Variants in DNAJC15 observed in about 807,000 individuals in gnomAD.
The protein encoded by DNAJC15 is dnaJ homolog subfamily C member 15.
Under a neutral mutation model 22.4 loss-of-function variants are expected in DNAJC15, and 27 were observed. The ratio of observed to expected loss-of-function variants is 1.20; its 90% CI spans 0.89 to 1.66. DNAJC15 has a LOEUF of 1.66. Ranked by LOEUF, DNAJC15 falls within the 40% of genes most tolerant of loss-of-function variation. DNAJC15 has a pLI of 0.00. For missense variants in DNAJC15, 208 were observed against 187.1 expected (o/e 1.11, Z -0.65); for synonymous variants, 79 against 63.2 (o/e 1.25, Z -1.19).
rs1800737780 is a variant in DNAJC15, at chr13:43,065,739, TAAGATA to T, written c.160+7_160+12del. 1.2e-6 allele frequency: 2 copies of T among 1,612,992 alleles called. No individual in the cohort carries two copies. The highest frequency in any genetic ancestry group is 1.7e-6 in the Non-Finnish European group (2 of 1,179,498). On this transcript the variant is annotated splice_donor_5th_base_variant and intron_variant, in intron 2 of 5. Transcript: ENST00000379221. ...GTGTTGCAGCTCTTGCATTTGCAGG[TAAGATA>T]AAGAATACATACCAATAAATTGCAG...
rs771996026 is a variant in DNAJC15 at position 43,085,724 on chromosome 13, C to T, written c.312-44C>T. 6 of 1,517,030 alleles carry T rather than the reference C, an allele frequency of 4.0e-6. No homozygotes were observed. The South Asian group carries it at 5.9e-5, about 15-fold the overall frequency. The allele number at this position is 1,517,030 out of a possible 1,614,324, so 94.0% of individuals were successfully genotyped here. On this transcript the variant is annotated intron_variant, in intron 4 of 5. Coordinates refer to ENST00000379221, the MANE Select transcript of DNAJC15 (RefSeq NM_013238.3). Reference sequence around the variant, plus strand: ...ATATAAACCCTTAATTTATAATCTGCATTTGATGCTATTTATTATAAGCAC... The same window carrying T: ...ATATAAACCCTTAATTTATAATCTGTATTTGATGCTATTTATTATAAGCAC...
chr13:43,045,640 A>G (rs2040473825), intron 1 of DNAJC15, among the ~76,000 whole-genome samples: 1 of 152,180 alleles, frequency 6.6e-6, no homozygotes, highest in African/African-American at 2.4e-5. Flanking sequence ...ATTTTTAACT[A>G]CTAGGTTTAG....
At chr13:43,028,080 T>G (rs907438697) in intron 1 of DNAJC15, among the ~76,000 whole-genome samples, 1 of 152,208 alleles carries the variant, frequency 6.6e-6, no homozygotes, top group Non-Finnish European at 1.5e-5. Context: ...GCCTGATGTG[T>G]GGTAAACATT....
In DNAJC15 at chr13:43,039,115, G is replaced by T. The variant is rs149241298; in HGVS notation, c.108+15381G>T. 5.2e-3 allele frequency among the ~76,000 whole-genome samples: 787 copies of T among 152,260 alleles called. 4 individuals carry two copies. Among genetic ancestry groups the T allele is most frequent in the Middle Eastern group, 0.014 (4 of 294 alleles). ...AGTGACTTCAGATTGTTGCTTGAAG[G>T]CATAAGCTCTGGTCTGGAATTAGGA... On this transcript the variant is annotated intron_variant, in intron 1 of 5. Coordinates refer to ENST00000379221, the MANE Select transcript of DNAJC15 (RefSeq NM_013238.3).
At position 43,036,334 on chromosome 13, in the gene DNAJC15, C is replaced by T. The variant is rs1338783753; in HGVS notation, c.108+12600C>T. 2.0e-5 allele frequency among the ~76,000 whole-genome samples: 3 copies of T among 152,114 alleles called. No homozygotes were observed. The East Asian group carries it at 5.8e-4, about 29-fold the overall frequency. ...GTCGCACCACCACACCCAGTGCAGCCCTCAACAGAGAGGAGACTGGAGTGG... is the reference window on the plus strand; with the variant it reads ...GTCGCACCACCACACCCAGTGCAGCTCTCAACAGAGAGGAGACTGGAGTGG... On this transcript the variant is annotated intron_variant, in intron 1 of 5. Transcript: ENST00000379221.
At chr13:43,087,132 A>G (rs1349458086) in intron 5 of DNAJC15, among the ~76,000 whole-genome samples, 4 of 152,206 alleles carry the variant, frequency 2.6e-5, no homozygotes, top group African/African-American at 4.8e-5. Context: ...GCTGTACCCT[A>G]TGTTTCTGTT....
rs199912988 is a variant in DNAJC15, at chr13:43,060,910, CA to C, written c.109-4774del. Among the ~76,000 whole-genome samples the C allele has an allele frequency of 6.1e-3, 924 of 152,270 alleles. 3 individuals carry two copies. The highest frequency in any genetic ancestry group is 0.021 in the African/African-American group (864 of 41,544). On this transcript the variant is annotated intron_variant, in intron 1 of 5. Transcript: ENST00000379221. Reference sequence around the variant, plus strand: ...ACCCAGTGAAAGTGTCTACCCAGACCAAGAGGTATTTTAGTTTCCTGACATG... The same window carrying C: ...ACCCAGTGAAAGTGTCTACCCAGACCAGAGGTATTTTAGTTTCCTGACATG...
chr13:43,080,107 C>T (rs117420755), intron 4 of DNAJC15, among the ~76,000 whole-genome samples: 2,282 of 152,080 alleles, frequency 0.015, 36 homozygotes, highest in Non-Finnish European at 0.022. Context: ...CAGGGTTACA[C>T]GTGCAGGTTT....
intron 1 of DNAJC15, among the ~76,000 whole-genome samples, chr13:43,052,904 A>G (rs2040512307): frequency 1.3e-5 from 2 of 151,990 alleles, no homozygotes; most frequent in South Asian, 4.2e-4. Context: ...ATTAGTTCCC[A>G]TCTATTTATA....
At chr13:43,070,153 CTTAG>C (rs1476165833) in intron 3 of DNAJC15, among the ~76,000 whole-genome samples, 3 of 152,010 alleles carry the variant, frequency 2.0e-5, no homozygotes, top group Admixed American at 6.5e-5. Flanking sequence ...GCTTGTGAGG[CTTAG>C]TTAGCCATGA....
At chr13:43,059,489 C>T (rs1593317466) in intron 1 of DNAJC15, among the ~76,000 whole-genome samples, 1 of 152,074 alleles carries the variant, frequency 6.6e-6, no homozygotes, top group African/African-American at 2.4e-5. Flanking sequence ...CTCAACCTCC[C>T]GAGTAGCTGG....
intron 5 of DNAJC15, 75 bp from the exon 6 acceptor site, chr13:43,107,101 GTA>G (rs950968253): frequency 6.7e-5 from 76 of 1,141,676 alleles, no homozygotes; most frequent in Middle Eastern, 6.0e-4. Context: ...TCAAAAAAGA[GTA>G]TTTTTATATT....
intron 2 of DNAJC15, 140 bp from the exon 3 acceptor site, chr13:43,068,790 C>G: frequency 1.6e-6 from 1 of 641,974 alleles, no homozygotes; most frequent in Non-Finnish European, 2.3e-6. Context: ...AAAAAATTGA[C>G]CATCTTTCTG....
chr13:43,065,653 C>T (rs914166104), intron 1 of DNAJC15, 33 bp from the exon 2 acceptor site: 26 of 1,562,468 alleles, frequency 1.7e-5, no homozygotes, highest in East Asian at 2.2e-5. Context: ...CAGCATGTTA[C>T]ATCATAAGTA....
chr13:43,057,129 T>G (rs947727917), intron 1 of DNAJC15, among the ~76,000 whole-genome samples: 21 of 152,210 alleles, frequency 1.4e-4, no homozygotes, highest in African/African-American at 4.8e-4. Flanking sequence ...TCTTAGAGCT[T>G]CTTATATTTG....
At chr13:43,060,990 T>G (rs1355582066) in intron 1 of DNAJC15, among the ~76,000 whole-genome samples, 1 of 152,092 alleles carries the variant, frequency 6.6e-6, no homozygotes, top group Non-Finnish European at 1.5e-5. Context: ...GAGCTTGTTG[T>G]GTAGGGAAGG....
chr13:43,043,009 G>A (rs889676900), intron 1 of DNAJC15, among the ~76,000 whole-genome samples: 2 of 152,226 alleles, frequency 1.3e-5, no homozygotes, highest in East Asian at 1.9e-4. Context: ...GGGGCTGCAA[G>A]TGCTCTCCAG....
At position 43,111,289 on chromosome 13, in the gene DNAJC15, TA is replaced by T. The variant is rs1281228181; in HGVS notation, c.*4045del. On this transcript the variant is annotated 3_prime_UTR_variant, in exon 6 of 6. Coordinates refer to ENST00000379221, the MANE Select transcript of DNAJC15 (RefSeq NM_013238.3). ...GGCAGTAAAGATATAAATTCATTCT[TA>T]AAATGTGCAACATGTTCAAACTGAA... is the stretch of plus-strand genomic sequence containing the variant. 1 of 152,226 alleles carries T rather than the reference TA, an allele frequency of 6.6e-6. No homozygotes were observed. Among genetic ancestry groups the T allele is most frequent in the African/African-American group, 2.4e-5 (1 of 41,458 alleles). The allele number at this position is 152,226 out of a possible 1,614,324, so 9.4% of individuals were successfully genotyped here.
intron 5 of DNAJC15, among the ~76,000 whole-genome samples, chr13:43,088,641 T>G (rs1457859097): frequency 6.6e-6 from 1 of 152,208 alleles, no homozygotes; most frequent in Non-Finnish European, 1.5e-5. Context: ...CAAGTCAAAG[T>G]AATTATACTG....
Sources: allele counts gnomAD v4.1 joint callset (sites outside exome capture counted in the v4.1 genomes callset), GRCh38; gene constraint gnomAD v4.1.1; transcripts MANE v1.5; gene names NCBI Gene and HGNC (gene_info 2026-07-23, HGNC 2026-07-21).